ZCCHC7: variants seen among roughly 807,000 people sequenced by gnomAD.
The protein encoded by ZCCHC7 is zinc finger CCHC domain-containing protein 7.
In ZCCHC7, 35 loss-of-function variants were observed where a neutral mutation model predicts 52.0. The observed-to-expected ratio is 0.67, with a 90% CI of 0.51 to 0.89. The LOEUF is 0.89. ZCCHC7 is among the 40% of genes least tolerant of loss of function. ZCCHC7 has a pLI of 0.00. For synonymous variants in ZCCHC7, 217 were observed against 221.5 expected (o/e 0.98, Z 0.18); for missense variants, 574 against 649.1 (o/e 0.88, Z 1.26).
chr9:37,188,285 C>T (rs986989039), intron 2 of ZCCHC7, among the ~76,000 whole-genome samples: 2 of 152,064 alleles, frequency 1.3e-5, no homozygotes, highest in East Asian at 3.9e-4. Flanking sequence ...ATAGCTGGAA[C>T]TACAGATGTG....
At chr9:37,266,248 C>A (rs1233092850) in intron 2 of ZCCHC7, among the ~76,000 whole-genome samples, 1 of 152,188 alleles carries the variant, frequency 6.6e-6, no homozygotes, top group Non-Finnish European at 1.5e-5. Flanking sequence ...AAAGAAGATT[C>A]TGCACACCAT....
chr9:37,181,536 C>G (rs1003293614), intron 2 of ZCCHC7, among the ~76,000 whole-genome samples: 9 of 152,134 alleles, frequency 5.9e-5, no homozygotes, highest in Non-Finnish European at 1.3e-4. Flanking sequence ...ATTATTCAGT[C>G]ATAAAAAGGA....
chr9:37,260,987 C>T (rs573255206), intron 2 of ZCCHC7, among the ~76,000 whole-genome samples: 9 of 151,558 alleles, frequency 5.9e-5, no homozygotes, highest in African/African-American at 1.7e-4. Flanking sequence ...TTTGTTTGTT[C>T]GTTTGTTTTT....
At chr9:37,318,112 TTAATAA>T (rs1325027285) in intron 5 of ZCCHC7, among the ~76,000 whole-genome samples, 3 of 151,942 alleles carry the variant, frequency 2.0e-5, no homozygotes, top group Non-Finnish European at 4.4e-5. Context: ...ATCAAAGTTG[TTAATAA>T]TAATGAATAC....
chr9:37,151,463 G>A (rs554552025), intron 2 of ZCCHC7, among the ~76,000 whole-genome samples: 1 of 152,184 alleles, frequency 6.6e-6, no homozygotes, highest in African/African-American at 2.4e-5. Flanking sequence ...AGCTACTTAG[G>A]TTGTATGAAC....
At chr9:37,148,925 G>A (rs559788203) in intron 2 of ZCCHC7, among the ~76,000 whole-genome samples, 4 of 152,210 alleles carry the variant, frequency 2.6e-5, no homozygotes, top group African/African-American at 9.6e-5. Flanking sequence ...TAGGAGTTAA[G>A]TTGGTGGCAG....
At chr9:37,135,018 C>T (rs1023060913) in intron 2 of ZCCHC7, among the ~76,000 whole-genome samples, 1 of 152,164 alleles carries the variant, frequency 6.6e-6, no homozygotes, top group African/African-American at 2.4e-5. Flanking sequence ...TGAGCCACCA[C>T]ACCCGGCCCT....
chr9:37,199,029 C>G (rs1436860033), intron 2 of ZCCHC7, among the ~76,000 whole-genome samples: 2 of 152,146 alleles, frequency 1.3e-5, no homozygotes, highest in African/African-American at 2.4e-5. Context: ...AGCTCCTTTT[C>G]TATTGCTTCC....
chr9:37,321,092 G>A (rs1006210165), intron 5 of ZCCHC7, among the ~76,000 whole-genome samples: 3 of 149,622 alleles, frequency 2.0e-5, no homozygotes, highest in African/African-American at 4.9e-5. Flanking sequence ...GGGTTCAAGC[G>A]ATTCTCCTGC....
intron 2 of ZCCHC7, among the ~76,000 whole-genome samples, chr9:37,149,666 A>G (rs1843600169): frequency 6.6e-6 from 1 of 152,196 alleles, no homozygotes; most frequent in African/African-American, 2.4e-5. Context: ...GATTCTTATT[A>G]TAGTGTTTCG....
At chr9:37,164,688 C>G (rs1051825233) in intron 2 of ZCCHC7, among the ~76,000 whole-genome samples, 2 of 152,162 alleles carry the variant, frequency 1.3e-5, no homozygotes, top group Admixed American at 6.5e-5. Context: ...ACTTGATTCT[C>G]TTACCTCAGA....
chr9:37,345,661 A>C (rs755818022), intron 6 of ZCCHC7, among the ~76,000 whole-genome samples: 5 of 151,384 alleles, frequency 3.3e-5, no homozygotes, highest in Non-Finnish European at 5.9e-5. Context: ...CCGAGGTTGC[A>C]GTGAGCCGAG....
chr9:37,145,271 T>C (rs919269416), intron 2 of ZCCHC7, among the ~76,000 whole-genome samples: 8 of 151,992 alleles, frequency 5.3e-5, no homozygotes, highest in African/African-American at 1.7e-4. Context: ...TGTTGAAAAT[T>C]GGCAAAATTA....
rs1564266434 is a variant in ZCCHC7 at position 37,341,466 on chromosome 9, G to A, written c.988-7891G>A. Among the ~76,000 whole-genome samples, 5 of 152,250 alleles carry A rather than the reference G, an allele frequency of 3.3e-5. No individual in the cohort carries two copies. In the South Asian group the frequency reaches 6.2e-4, roughly 19 times the overall value. ...TATGCCTGGCCCTATTCCAGGAGCT[G>A]AAGTACAGCAGTGAACAAAAACAGA... On this transcript the variant is annotated intron_variant, in intron 6 of 8. Coordinates refer to ENST00000336755, the MANE Select transcript of ZCCHC7 (RefSeq NM_032226.3).
intron 6 of ZCCHC7, among the ~76,000 whole-genome samples, chr9:37,341,065 GAA>G (rs1187028766): frequency 6.6e-6 from 1 of 151,804 alleles, no homozygotes; most frequent in Non-Finnish European, 1.5e-5. Context: ...AATAAAATAA[GAA>G]GTGTCAACAT....
At chr9:37,272,506 AAAAAAAAAG>A (rs1470833591) in intron 2 of ZCCHC7, among the ~76,000 whole-genome samples, 1 of 150,796 alleles carries the variant, frequency 6.6e-6, no homozygotes, top group Non-Finnish European at 1.5e-5. Flanking sequence ...AAAAAAAAAA[AAAAAAAAAG>A]AAAGAAAGGA....
At chr9:37,311,750 G>A (rs369168817) in intron 5 of ZCCHC7, among the ~76,000 whole-genome samples, 9 of 152,142 alleles carry the variant, frequency 5.9e-5, no homozygotes, top group East Asian at 1.9e-4. Flanking sequence ...TCCCATATCA[G>A]CCATATACTA....
chr9:37,137,870 G>T lies in ZCCHC7; in HGVS notation c.610+10928G>T, dbSNP rs143056871. ...TTTTTCCCCTCCTTTGGCATTCATCGTCTTAATGTCAGTAGTTTCTTGAGA... is the reference window on the plus strand; with the variant it reads ...TTTTTCCCCTCCTTTGGCATTCATCTTCTTAATGTCAGTAGTTTCTTGAGA... On this transcript the variant is annotated intron_variant, in intron 2 of 8. Coordinates refer to ENST00000336755, the MANE Select transcript of ZCCHC7 (RefSeq NM_032226.3). 2.3e-3 allele frequency among the ~76,000 whole-genome samples: 344 copies of T among 152,174 alleles called. 5 individuals are homozygous for T. The highest frequency in any genetic ancestry group is 9.1e-3 in the East Asian group (47 of 5,188).
chr9:37,288,871 ACC>A (rs944559588), intron 2 of ZCCHC7, among the ~76,000 whole-genome samples: 35 of 152,054 alleles, frequency 2.3e-4, no homozygotes, highest in Middle Eastern at 3.4e-3. Flanking sequence ...TGGTACTCTC[ACC>A]CAGTCCTGTT....
Sources: allele counts gnomAD v4.1 joint callset (sites outside exome capture counted in the v4.1 genomes callset), GRCh38; gene constraint gnomAD v4.1.1; transcripts MANE v1.5; gene names NCBI Gene and HGNC (gene_info 2026-07-23, HGNC 2026-07-21).